Variants in GRID1 observed in about 807,000 individuals in gnomAD.
GRID1 encodes glutamate ionotropic receptor delta type subunit 1, also known as glutamate receptor ionotropic, delta-1.
GRID1 carries 28 observed loss-of-function variants against 98.0 expected under a neutral mutation model. The observed-to-expected ratio is 0.29, with a 90% CI of 0.21 to 0.39. The LOEUF is 0.39. Ranked by LOEUF, GRID1 falls within the 10% of genes least tolerant of loss-of-function variation. The pLI, the probability that GRID1 is intolerant of heterozygous loss-of-function variation, is 1.00. For missense variants in GRID1, 1,111 were observed against 1,340.5 expected (o/e 0.83, Z 2.67); for synonymous variants, 553 against 538.5 (o/e 1.03, Z -0.37).
At chr10:86,039,223 T>A (rs1457787732) in intron 4 of GRID1, among the ~76,000 whole-genome samples, 2 of 152,192 alleles carry the variant, frequency 1.3e-5, no homozygotes, top group Non-Finnish European at 2.9e-5. Context: ...ATGGTCATTT[T>A]CCCCTATTCC....
chr10:85,860,012 T>C (rs904237459), intron 6 of GRID1, among the ~76,000 whole-genome samples: 1 of 152,110 alleles, frequency 6.6e-6, no homozygotes, highest in African/African-American at 2.4e-5. Flanking sequence ...GGGTTGGTCA[T>C]GCCAAGCCCC....
intron 4 of GRID1, among the ~76,000 whole-genome samples, chr10:86,025,661 G>T (rs1271522651): frequency 6.6e-6 from 1 of 152,202 alleles, no homozygotes; most frequent in Non-Finnish European, 1.5e-5. Flanking sequence ...CATACATATA[G>T]TAAGTGGCAG....
intron 4 of GRID1, among the ~76,000 whole-genome samples, chr10:85,953,587 T>C (rs2131844860): frequency 6.6e-6 from 1 of 152,304 alleles, no homozygotes; most frequent in East Asian, 1.9e-4. Flanking sequence ...AAAAAAGCCT[T>C]CTCCACTTTG....
chr10:86,114,040 T>C (rs1297248775), intron 4 of GRID1, among the ~76,000 whole-genome samples: 1 of 151,834 alleles, frequency 6.6e-6, no homozygotes, highest in Non-Finnish European at 1.5e-5. Context: ...TCTAAGCACC[T>C]GAGTCCACAG....
At chr10:85,887,519 G>T (rs1841133916) in intron 5 of GRID1, among the ~76,000 whole-genome samples, 1 of 152,100 alleles carries the variant, frequency 6.6e-6, no homozygotes, top group Non-Finnish European at 1.5e-5. Context: ...AAAGTCTCAG[G>T]CCCCACCCTA....
At chr10:85,672,946 C>A (rs1024163455) in intron 12 of GRID1, among the ~76,000 whole-genome samples, 1 of 152,170 alleles carries the variant, frequency 6.6e-6, no homozygotes, top group Non-Finnish European at 1.5e-5. Context: ...TGGATCTGGG[C>A]AAAGTAAATT....
chr10:86,184,612 C>G (rs1378560459), intron 3 of GRID1, among the ~76,000 whole-genome samples: 2 of 152,026 alleles, frequency 1.3e-5, no homozygotes, highest in African/African-American at 4.8e-5. Context: ...ATTGTCTCTC[C>G]TCTTCCAGTG....
At chr10:86,210,517 C>T (rs1846093336) in intron 2 of GRID1, among the ~76,000 whole-genome samples, 1 of 152,242 alleles carries the variant, frequency 6.6e-6, no homozygotes, top group Non-Finnish European at 1.5e-5. Flanking sequence ...CCTCCTGCCC[C>T]TTCCTTGGAC....
At chr10:85,919,986 C>T (rs1841679708) in intron 4 of GRID1, among the ~76,000 whole-genome samples, 1 of 152,166 alleles carries the variant, frequency 6.6e-6, no homozygotes, top group Non-Finnish European at 1.5e-5. Context: ...GCTTGGCACT[C>T]ACGGTGCCTT....
chr10:85,739,751 T>C (rs7906599), intron 8 of GRID1, among the ~76,000 whole-genome samples: 49,639 of 152,088 alleles, frequency 0.33, 8,288 homozygotes, highest in Middle Eastern at 0.37. Flanking sequence ...AGAATATAAG[T>C]ACAGTTTTAA....
intron 8 of GRID1, among the ~76,000 whole-genome samples, chr10:85,812,837 G>A (rs576684372): frequency 1.3e-4 from 20 of 151,140 alleles, no homozygotes; most frequent in South Asian, 1.0e-3. Flanking sequence ...ATTAATATGT[G>A]TATATCTGTG....
At chr10:86,037,592 T>C (rs1313051651) in intron 4 of GRID1, among the ~76,000 whole-genome samples, 1 of 152,218 alleles carries the variant, frequency 6.6e-6, no homozygotes, top group Non-Finnish European at 1.5e-5. Context: ...AGGTTGGGGC[T>C]AAGATGCACT....
At chr10:85,827,876 T>C (rs1173380930) in intron 8 of GRID1, among the ~76,000 whole-genome samples, 3 of 152,092 alleles carry the variant, frequency 2.0e-5, no homozygotes, top group Non-Finnish European at 2.9e-5. Context: ...CGACAGATCG[T>C]CAAGGCAGAA....
In GRID1 at chr10:85,846,426, C is replaced by T. The variant is rs777546101; in HGVS notation, c.1233+8070G>A. 1.7e-4 allele frequency among the ~76,000 whole-genome samples: 26 copies of T among 152,144 alleles called. 1 individual carries two copies. Among genetic ancestry groups the T allele is most frequent in the South Asian group, 6.2e-4 (3 of 4,816 alleles). ...ATAGTCCCAGCTACTCGTGGGCCTGCGGCACAAGAATCACTTGAACACAGG... is the reference window on the plus strand; with the variant it reads ...ATAGTCCCAGCTACTCGTGGGCCTGTGGCACAAGAATCACTTGAACACAGG... On this transcript the variant is annotated intron_variant, in intron 8 of 15. Coordinates refer to ENST00000327946, the MANE Select transcript of GRID1 (RefSeq NM_017551.3).
At chr10:86,031,830 G>A in intron 4 of GRID1, among the ~76,000 whole-genome samples, 1 of 152,152 alleles carries the variant, frequency 6.6e-6, no homozygotes, top group Non-Finnish European at 1.5e-5. Flanking sequence ...TACCTGACCT[G>A]TTGCTGAGGT....
At chr10:86,034,992 A>AGGTACATACAG (rs547697433) in intron 4 of GRID1, among the ~76,000 whole-genome samples, 144 of 152,054 alleles carry the variant, frequency 9.5e-4, no homozygotes, top group African/African-American at 3.3e-3. Context: ...TGGATGGATA[A>AGGTACATACAG]GTATACAGGT....
At chr10:86,217,109 T>G (rs1414879887) in intron 2 of GRID1, among the ~76,000 whole-genome samples, 1 of 152,162 alleles carries the variant, frequency 6.6e-6, no homozygotes, top group Non-Finnish European at 1.5e-5. Context: ...TGGGTACTAC[T>G]ACCCCATTCT....
intron 4 of GRID1, among the ~76,000 whole-genome samples, chr10:85,968,221 C>A (rs901914039): frequency 3.3e-5 from 5 of 151,846 alleles, no homozygotes; most frequent in African/African-American, 4.8e-5. Context: ...GAGGCCGAGG[C>A]GGGTGGATCA....
intron 2 of GRID1, among the ~76,000 whole-genome samples, chr10:86,353,747 G>A (rs1048311068): frequency 4.6e-5 from 7 of 152,202 alleles, no homozygotes; most frequent in East Asian, 1.9e-4. Context: ...GACGGCCCAC[G>A]GGGTTGTTTT....
Sources: allele counts gnomAD v4.1 joint callset (sites outside exome capture counted in the v4.1 genomes callset), GRCh38; gene constraint gnomAD v4.1.1; transcripts MANE v1.5; gene names NCBI Gene and HGNC (gene_info 2026-07-23, HGNC 2026-07-21).